The following INPP4B variants were observed in gnomAD, a reference collection of about 807,000 sequenced individuals.
INPP4B encodes the protein inositol polyphosphate 4-phosphatase type II.
Under a neutral mutation model 122.5 loss-of-function variants are expected in INPP4B, and 55 were observed. The observed-to-expected ratio is 0.45, with a 90% CI of 0.36 to 0.56. The LOEUF (loss-of-function observed/expected upper bound fraction) is 0.56, where lower values mean the gene tolerates loss of function less well. Ranked by LOEUF, INPP4B falls within the 20% of genes least tolerant of loss-of-function variation. The pLI is 0.00. For synonymous variants in INPP4B, 403 were observed against 388.7 expected, an observed-to-expected ratio of 1.04 and a Z score of -0.43; for missense variants, 1,000 against 1,097.7, an observed-to-expected ratio of 0.91 and a Z score of 1.26.
intron 15 of INPP4B, 84 bp downstream of exon 15, chr4:142,193,003 A>T (rs948472887): frequency 2.5e-6 from 2 of 788,038 alleles, no homozygotes; most frequent in Non-Finnish European, 4.4e-6. Flanking sequence ...ATACATTGTG[A>T]TGGACCAATC....
chr4:142,387,315 T>C (rs1246609371), intron 7 of INPP4B, among the ~76,000 whole-genome samples: 2 of 152,050 alleles, frequency 1.3e-5, no homozygotes, highest in South Asian at 2.1e-4. Flanking sequence ...AAAAAGCTAA[T>C]ATTTTAGATA....
intron 12 of INPP4B, among the ~76,000 whole-genome samples, chr4:142,231,129 G>A (rs1252360664): frequency 6.6e-6 from 1 of 152,200 alleles, no homozygotes; most frequent in Non-Finnish European, 1.5e-5. Flanking sequence ...AACAGTTCAT[G>A]TTGAGTCCAA....
At chr4:142,635,517 C>A (rs975874926) in intron 2 of INPP4B, among the ~76,000 whole-genome samples, 2 of 152,114 alleles carry the variant, frequency 1.3e-5, no homozygotes, top group African/African-American at 4.8e-5. Flanking sequence ...CCATGGAATA[C>A]CATGCAGCCA....
intron 19 of INPP4B, among the ~76,000 whole-genome samples, chr4:142,123,621 G>T (rs1224166476): frequency 1.3e-5 from 2 of 152,074 alleles, no homozygotes; most frequent in African/African-American, 2.4e-5. Context: ...AGGTAGAAGT[G>T]CAAAGGGAAA....
intron 2 of INPP4B, among the ~76,000 whole-genome samples, chr4:142,549,975 G>T (rs981069416): frequency 1.1e-4 from 17 of 152,138 alleles, no homozygotes; most frequent in African/African-American, 4.1e-4. Context: ...GGGGGAAATG[G>T]CATTTTAAAA....
intron 15 of INPP4B, among the ~76,000 whole-genome samples, chr4:142,178,368 C>T (rs1829286752): frequency 6.6e-6 from 1 of 152,182 alleles, no homozygotes; most frequent in African/African-American, 2.4e-5. Flanking sequence ...TATACTTAAA[C>T]TTATCTATTG....
chr4:142,541,756 C>A (rs1828969885), intron 2 of INPP4B, among the ~76,000 whole-genome samples: 1 of 152,138 alleles, frequency 6.6e-6, no homozygotes. Flanking sequence ...ACACTCAACT[C>A]CTATATCATG....
At chr4:142,589,855 C>T (rs1291115459) in intron 2 of INPP4B, among the ~76,000 whole-genome samples, 1 of 151,962 alleles carries the variant, frequency 6.6e-6, no homozygotes, top group African/African-American at 2.4e-5. Flanking sequence ...GTAATCAGCC[C>T]AAACTGGAAG....
At chr4:142,771,094 C>G (rs1772988633) in intron 1 of INPP4B, among the ~76,000 whole-genome samples, 1 of 152,080 alleles carries the variant, frequency 6.6e-6, no homozygotes, top group South Asian at 2.1e-4. Flanking sequence ...GGGAAGACTT[C>G]TGAGGACTTG....
intron 1 of INPP4B, among the ~76,000 whole-genome samples, chr4:142,743,884 C>T (rs1348592669): frequency 6.6e-6 from 1 of 151,642 alleles, no homozygotes; most frequent in African/African-American, 2.4e-5. Context: ...ACGTTTTTAC[C>T]ATGTATAACT....
chr4:142,252,937 T>C (rs554411440), intron 11 of INPP4B, among the ~76,000 whole-genome samples: 4 of 152,288 alleles, frequency 2.6e-5, no homozygotes, highest in South Asian at 4.1e-4. Context: ...GCAAACATCA[T>C]AGAGTACACT....
At chr4:142,121,201 T>C (rs1367904354) in intron 21 of INPP4B, among the ~76,000 whole-genome samples, 1 of 151,440 alleles carries the variant, frequency 6.6e-6, no homozygotes, top group Non-Finnish European at 1.5e-5. Flanking sequence ...TAATTCTAGG[T>C]AAATATTTAG....
At chr4:142,206,359 T>C (rs1842591813) in intron 14 of INPP4B, among the ~76,000 whole-genome samples, 1 of 150,948 alleles carries the variant, frequency 6.6e-6, no homozygotes, top group African/African-American at 2.4e-5. Context: ...CTCTCTCTTT[T>C]TTTTTTTTTT....
chr4:142,317,147 T>C (rs557001360), intron 7 of INPP4B: 12 of 155,820 alleles, frequency 7.7e-5, no homozygotes, highest in Non-Finnish European at 1.6e-4. Context: ...AAGGATATGA[T>C]AAAACAAGCA....
intron 7 of INPP4B, among the ~76,000 whole-genome samples, chr4:142,402,380 T>C (rs1333141333): frequency 6.6e-6 from 1 of 152,172 alleles, no homozygotes; most frequent in Non-Finnish European, 1.5e-5. Flanking sequence ...GCAGACCAGT[T>C]AGGAAGATTG....
intron 25 of INPP4B, 87 bp from the exon 26 acceptor site, chr4:142,029,001 T>C (rs1738001573): frequency 6.7e-7 from 1 of 1,486,112 alleles, no homozygotes; most frequent in Non-Finnish European, 8.9e-7. Context: ...GCAGCAACCA[T>C]CCAAGTAAAA....
chr4:142,682,102 T>C (rs1343741069), intron 2 of INPP4B, among the ~76,000 whole-genome samples: 1 of 151,988 alleles, frequency 6.6e-6, no homozygotes, highest in Non-Finnish European at 1.5e-5. Flanking sequence ...TTATTTCATC[T>C]GCTTCTGACA....
At chr4:142,448,374 C>T (rs1003730457) in intron 3 of INPP4B, among the ~76,000 whole-genome samples, 6 of 145,748 alleles carry the variant, frequency 4.1e-5, no homozygotes, top group Admixed American at 6.9e-5. Flanking sequence ...GTCTCAGTTA[C>T]GCTGATGATG....
Position 142,305,460 on chromosome 4 carries a change from C to G in INPP4B, c.501G>C (p.Leu167=), listed in dbSNP as rs760280848. 1.9e-6 allele frequency: 3 copies of G among 1,610,844 alleles called. No homozygotes were observed. The South Asian group carries it at 3.3e-5, about 18-fold the overall frequency. Residue 167 remains leucine (L), a splice_region_variant and synonymous_variant, in exon 9 of 26, where the codon CTG becomes CTC. Transcript: ENST00000262992. ...TTTCTACAAACAAAGAGACCCACCT[C>G]AGGCTCAGGACCAGCAATTGCTCCT... The part of the protein sequence containing the change: ...KSKEQLLVLS[L]RTSDGGKVVG...
Sources: allele counts gnomAD v4.1 joint callset (sites outside exome capture counted in the v4.1 genomes callset), GRCh38; gene constraint gnomAD v4.1.1; transcripts MANE v1.5; gene names NCBI Gene and HGNC (gene_info 2026-07-23, HGNC 2026-07-21).